Variants in EIF4G3 observed in about 807,000 individuals in gnomAD.
EIF4G3 encodes eIF-4-gamma 3.
In EIF4G3, 34 loss-of-function variants were observed where a neutral mutation model predicts 186.4. That is an observed-to-expected ratio of 0.18 (90% CI 0.14 to 0.24). The LOEUF is 0.24. Among genes scored for constraint, EIF4G3 ranks in the 10% least tolerant of loss-of-function variants. EIF4G3 has a pLI of 1.00. For missense variants in EIF4G3, 1,536 were observed against 1,948.5 expected (o/e 0.79, Z 3.99); for synonymous variants, 673 against 679.5 (o/e 0.99, Z 0.15).
At chr1:20,813,946 T>TG (rs1491108628) in intron 34 of EIF4G3, among the ~76,000 whole-genome samples, 3 of 96,596 alleles carry the variant, frequency 3.1e-5, no homozygotes, top group Non-Finnish European at 6.0e-5. Flanking sequence ...GATGAGTCAC[T>TG]GTTTTTTTTT....
At chr1:20,857,665 T>C (rs552719770) in intron 24 of EIF4G3, among the ~76,000 whole-genome samples, 168 bp from the exon 25 acceptor site, 14 of 152,202 alleles carry the variant, frequency 9.2e-5, no homozygotes, top group Non-Finnish European at 1.8e-4. Flanking sequence ...AGAAGCACCC[T>C]GTATCAGCAG....
intron 2 of EIF4G3, chr1:21,168,130 G>A (rs187386332): frequency 3.4e-4 from 154 of 455,446 alleles, no homozygotes; most frequent in African/African-American, 2.7e-3. Flanking sequence ...TTGGCTGGGT[G>A]TGGTGGCTCA....
At chr1:21,078,841 C>T (rs887154288) in intron 3 of EIF4G3, among the ~76,000 whole-genome samples, 6 of 152,006 alleles carry the variant, frequency 3.9e-5, no homozygotes, top group Admixed American at 3.9e-4. Context: ...AAAAATTCGC[C>T]GGGTATAGTG....
intron 2 of EIF4G3, among the ~76,000 whole-genome samples, chr1:21,149,790 T>C (rs1256095170): frequency 6.6e-6 from 1 of 152,216 alleles, no homozygotes; most frequent in African/African-American, 2.4e-5. Flanking sequence ...CCACTCCATC[T>C]CTGAGAGATA....
chr1:20,839,167 C>T (rs544470695), intron 30 of EIF4G3, among the ~76,000 whole-genome samples: 42 of 152,016 alleles, frequency 2.8e-4, no homozygotes, highest in African/African-American at 7.2e-4. Flanking sequence ...TTAGTAGAGG[C>T]GGGGTTTCAC....
At chr1:20,824,283 A>G (rs1324216209) in intron 33 of EIF4G3, among the ~76,000 whole-genome samples, 1 of 152,234 alleles carries the variant, frequency 6.6e-6, no homozygotes, top group East Asian at 1.9e-4. Flanking sequence ...AAAGAAAGCT[A>G]ATGTCTGTAG....
intron 7 of EIF4G3, among the ~76,000 whole-genome samples, chr1:20,982,800 C>T (rs1413681787): frequency 1.3e-5 from 2 of 152,174 alleles, no homozygotes; most frequent in African/African-American, 4.8e-5. Flanking sequence ...CTGTGATCTA[C>T]TTGCCATCTG....
chr1:21,029,108 C>T (rs956451008), intron 4 of EIF4G3, among the ~76,000 whole-genome samples: 4 of 152,100 alleles, frequency 2.6e-5, no homozygotes, highest in African/African-American at 4.8e-5. Flanking sequence ...ACCTCCACCC[C>T]CTAGGTCCAA....
At chr1:21,048,170 A>C (rs188023654) in intron 4 of EIF4G3, among the ~76,000 whole-genome samples, 6 of 152,294 alleles carry the variant, frequency 3.9e-5, no homozygotes, top group Non-Finnish European at 7.4e-5. Context: ...TTAAATGCAA[A>C]CTATGCATTT....
intron 2 of EIF4G3, among the ~76,000 whole-genome samples, chr1:21,171,334 T>A (rs1300461487): frequency 6.6e-6 from 1 of 152,178 alleles, no homozygotes; most frequent in East Asian, 1.9e-4. Flanking sequence ...GAACTTACTT[T>A]CCCTCATATC....
chr1:20,950,162 A>C, intron 12 of EIF4G3, 51 bp from the exon 13 acceptor site: 1 of 1,386,570 alleles, frequency 7.2e-7, no homozygotes, highest in Middle Eastern at 1.9e-4. Context: ...GAACATAAAA[A>C]CTAGCAACAT....
chr1:20,949,595 G>A (rs111867794), intron 13 of EIF4G3, among the ~76,000 whole-genome samples: 165 of 152,290 alleles, frequency 1.1e-3, no homozygotes, highest in African/African-American at 3.9e-3. Flanking sequence ...GCCCAAACTT[G>A]TAAGAAGAAA....
At chr1:20,976,100 C>A (rs563485327) in intron 10 of EIF4G3, among the ~76,000 whole-genome samples, 2 of 151,616 alleles carry the variant, frequency 1.3e-5, no homozygotes, top group African/African-American at 4.8e-5. Flanking sequence ...AATACAATAA[C>A]AATCATGAAA....
chr1:20,904,824 C>A, intron 15 of EIF4G3, 59 bp downstream of exon 15: 4 of 1,314,558 alleles, frequency 3.0e-6, no homozygotes, highest in Non-Finnish European at 4.4e-6. Flanking sequence ...GGTATAAACA[C>A]ATACCTGTCT....
intron 14 of EIF4G3, among the ~76,000 whole-genome samples, chr1:20,928,318 C>A (rs887534232): frequency 3.3e-5 from 5 of 152,098 alleles, no homozygotes; most frequent in Non-Finnish European, 7.4e-5. Context: ...TTGTGGTGTT[C>A]TTGTTGAAAT....
intron 29 of EIF4G3, among the ~76,000 whole-genome samples, chr1:20,842,375 TTTTTC>T (rs1571456799): frequency 6.6e-6 from 1 of 152,216 alleles, no homozygotes; most frequent in Non-Finnish European, 1.5e-5. Context: ...AATGGTTTCT[TTTTTC>T]TTTTGAGACA....
intron 12 of EIF4G3, among the ~76,000 whole-genome samples, chr1:20,950,461 T>A (rs1272823499): frequency 6.6e-6 from 1 of 152,132 alleles, no homozygotes; most frequent in Non-Finnish European, 1.5e-5. Flanking sequence ...TGAGAAGGAA[T>A]TTAACACCCT....
rs770919726 is a variant in EIF4G3 at position 20,864,515 on chromosome 1, G to C, written c.2967C>G (p.Leu989=). 6.2e-7 allele frequency: 1 copy of C among 1,614,224 alleles called. No homozygotes were observed. The highest frequency in any genetic ancestry group is 1.7e-5 in the Admixed American group (1 of 60,030). ...AGTCCAAGTCTTTGCCAATGGTGGT[G>C]AGCAGGCGACACAGGCACTCCAGGG... ...EESLECLCRL[L]TTIGKDLDFE... The change falls in exon 22 of 37, where the codon CTC becomes CTG. Residue 989 remains leucine, a synonymous_variant. Transcript: ENST00000602326.
intron 7 of EIF4G3, among the ~76,000 whole-genome samples, chr1:20,988,044 A>G (rs936151983): frequency 6.6e-6 from 1 of 152,244 alleles, no homozygotes; most frequent in Non-Finnish European, 1.5e-5. Flanking sequence ...ACCAGCCACA[A>G]CATTCCCTTA....
Sources: allele counts gnomAD v4.1 joint callset (sites outside exome capture counted in the v4.1 genomes callset), GRCh38; gene constraint gnomAD v4.1.1; transcripts MANE v1.5; gene names NCBI Gene and HGNC (gene_info 2026-07-23, HGNC 2026-07-21).